Variants in DHH observed in about 807,000 individuals in gnomAD.
DHH encodes the protein desert hedgehog protein.
DHH carries 16 observed loss-of-function variants against 27.6 expected under a neutral mutation model. The ratio of observed to expected loss-of-function variants is 0.58; its 90% CI spans 0.39 to 0.88. The LOEUF (loss-of-function observed/expected upper bound fraction) is 0.88. DHH is among the 40% of genes least tolerant of loss of function. The pLI, the probability that DHH is intolerant of heterozygous loss-of-function variation, is 0.00. For missense variants in DHH, 436 were observed against 563.1 expected, an observed-to-expected ratio of 0.77 and a Z score of 2.28; for synonymous variants, 289 against 263.4, an observed-to-expected ratio of 1.10 and a Z score of -0.94.
At position 49,091,173 on chromosome 12, in the gene DHH, C is replaced by G; in HGVS notation, c.520G>C (p.Val174Leu). The G allele has an allele frequency of 6.2e-7, 1 of 1,614,236 alleles. No individual in the cohort carries two copies. The highest frequency in any genetic ancestry group is 8.5e-7 in the Non-Finnish European group (1 of 1,180,044). The change falls in exon 2 of 3, where the codon GTC (valine) becomes CTC (leucine). Residue 174 changes from valine to leucine, a missense_variant. Val to Leu is a conservative substitution (Grantham distance 32). Coordinates refer to ENST00000649637, the MANE Select transcript of DHH (RefSeq NM_021044.4). The surrounding 1 kb of genome is among the most constrained non-coding windows in gnomAD (Gnocchi z 4.8). ...RLAVEAGFDW[V>L]YYESRNHVHV... is the part of the protein sequence containing the mutation. ...ACGTGGTTGCGGGACTCGTAGTAGA[C>G]CCAGTCGAAGCCGGCTTCCACTGCG...
At position 49,094,311 on chromosome 12, in the gene DHH, C is replaced by G. The variant is rs1157121185; in HGVS notation, c.202G>C (p.Ala68Pro). Residue 68 changes from alanine to proline, a missense_variant, in exon 1 of 3, where the codon GCA (alanine) becomes CCA (proline). Physicochemically the swap from Ala to Pro is conservative, Grantham distance 27. Coordinates refer to ENST00000649637, the MANE Select transcript of DHH (RefSeq NM_021044.4). The part of the protein sequence containing the change: ...GASGPAEGRV[A>P]RGSERFRDLV... The stretch of plus-strand genomic sequence containing the variant: ...TCCCGGAAGCGCTCGGAGCCCCTTG[C>G]CACCCTCCCCTCCGCTGGCCCACTG... 6.2e-7 allele frequency: 1 copy of G among 1,613,346 alleles called. No homozygotes were observed. Among genetic ancestry groups the G allele is most frequent in the Admixed American group, 1.7e-5 (1 of 60,028 alleles).
rs952583477 is a variant in DHH at position 49,091,551 on chromosome 12, C to T, written c.304-162G>A. On this transcript the variant is annotated intron_variant, in intron 1 of 2. Transcript: ENST00000649637. The surrounding 1 kb of genome is among the most constrained non-coding windows in gnomAD (Gnocchi z 4.8). ...ATCTGAGTCGATGGTAGTCACCAAT[C>T]TGCACTCTGTTCCCAGGACGTCGTT... Among the ~76,000 whole-genome samples, 2 of 152,236 alleles carry T rather than the reference C, an allele frequency of 1.3e-5. No homozygotes were observed. The highest frequency in any genetic ancestry group is 2.9e-5 in the Non-Finnish European group (2 of 68,040).
At position 49,088,481 on chromosome 12, in the gene DHH, G is replaced by C. The variant is rs911551732; in HGVS notation, c.*1378C>G. 2.0e-5 allele frequency among the ~76,000 whole-genome samples: 3 copies of C among 152,182 alleles called. No homozygotes were observed. The highest frequency in any genetic ancestry group is 4.4e-5 in the Non-Finnish European group (3 of 68,036). On this transcript the variant is annotated 3_prime_UTR_variant, in exon 3 of 3. Transcript: ENST00000649637. Reference sequence around the variant, plus strand: ...CCCTGTGCGATGGGAGCGCACAGCGGCTACTGGCAAGGGCGAGCTCCGGGT... The same window carrying C: ...CCCTGTGCGATGGGAGCGCACAGCGCCTACTGGCAAGGGCGAGCTCCGGGT...
At position 49,089,745 on chromosome 12, in the gene DHH, TC is replaced by T; in HGVS notation, c.*113del. 7.4e-7 allele frequency: 1 copy of T among 1,347,646 alleles called. No individual in the cohort carries two copies. Among genetic ancestry groups the T allele is most frequent in the African/African-American group, 1.5e-5 (1 of 66,366 alleles). 83.5% of individuals were successfully genotyped at this position (1,347,646 alleles called of 1,614,324 possible). On this transcript the variant is annotated 3_prime_UTR_variant, in exon 3 of 3. Transcript: ENST00000649637. ...GCCAGGCATAGCCCCATTTTCTCCC[TC>T]CCCCTCCCTCTCCCTCCCTTCCAGT...
rs200685404 is a variant in DHH, at chr12:49,094,488, G to A, written c.25C>T (p.Pro9Ser). The change falls in exon 1 of 3, where the codon CCC becomes TCC. Residue 9 changes from proline (P) to serine (S), a missense_variant. Physicochemically the swap from Pro to Ser is moderately conservative, Grantham distance 74 (BLOSUM62 -1). Coordinates refer to ENST00000649637, the MANE Select transcript of DHH (RefSeq NM_021044.4). MALLTNLL[P>S]LCCLALLALP... ...GCCAGAAGTGCCAAGCAGCACAGGG[G>A]CAGTAGATTGGTCAGGAGAGCCATG... 14 of 1,564,392 alleles carry A rather than the reference G, an allele frequency of 8.9e-6. No homozygotes were observed. The highest frequency in any genetic ancestry group is 1.2e-5 in the Non-Finnish European group (14 of 1,154,928).
In DHH at chr12:49,090,431, GCA is replaced by G. The variant is rs776235575; in HGVS notation, c.617_618del (p.Val206AlafsTer210). On this transcript the variant is annotated frameshift_variant, in exon 3 of 3. Transcript: ENST00000649637. LOFTEE classifies it high-confidence loss of function. The surrounding 1 kb of genome is among the most constrained non-coding windows in gnomAD (Gnocchi z 5.2). ...AGGCFPGNAT[V>X]RLWSGERKGL... ...CCTTTCCGCTCGCCGCTCCACAGGC[GCA>G]CAGTTGCATTTCCCGGAAAGCAGCC... 1 of 1,608,538 alleles carries G rather than the reference GCA, an allele frequency of 6.2e-7. No homozygotes were observed. Among genetic ancestry groups the G allele is most frequent in the Non-Finnish European group, 8.5e-7 (1 of 1,179,442 alleles).
Position 49,088,350 on chromosome 12 carries a change from A to T in DHH, c.*1509T>A, listed in dbSNP as rs995130109. On this transcript the variant is annotated 3_prime_UTR_variant, in exon 3 of 3. Transcript: ENST00000649637. ...GGAGCGGGCTCCTTTGCGCAGGTCC[A>T]GTACACCCTTCCATGTCTGAGACCG... is the stretch of plus-strand genomic sequence containing the variant. 6.6e-6 allele frequency among the ~76,000 whole-genome samples: 1 copy of T among 152,206 alleles called. No homozygotes were observed. The highest frequency in any genetic ancestry group is 1.5e-5 in the Non-Finnish European group (1 of 68,028).
Position 49,090,370 on chromosome 12 carries a change from G to A in DHH, c.680C>T (p.Ala227Val), listed in dbSNP as rs756271489. ...CACCACCCGGCCTGACGCATCGGCCGCCAAAACCCAGTCTCCGCGGTGCAG... is the reference window on the plus strand; with the variant it reads ...CACCACCCGGCCTGACGCATCGGCCACCAAAACCCAGTCTCCGCGGTGCAG... ...RELHRGDWVL[A>V]ADASGRVVPT... Residue 227 changes from alanine to valine, a missense_variant, in exon 3 of 3, where the codon GCG becomes GTG. Ala to Val is a moderately conservative substitution (Grantham distance 64). Transcript: ENST00000649637. This position sits in a 1 kb window ranked among gnomAD's most constrained non-coding sequence, Gnocchi z 5.2. 8.8e-5 allele frequency: 142 copies of A among 1,608,598 alleles called. No homozygotes were observed. Among genetic ancestry groups the A allele is most frequent in the Non-Finnish European group, 1.2e-4 (136 of 1,178,204 alleles).
In DHH at chr12:49,094,425, C is replaced by T. The variant is rs1939363538; in HGVS notation, c.88G>A (p.Val30Ile). 6.2e-7 allele frequency: 1 copy of T among 1,605,966 alleles called. No individual in the cohort carries two copies. The highest frequency in any genetic ancestry group is 8.5e-7 in the Non-Finnish European group (1 of 1,176,632). ...AQSCGPGRGPVGRRRYARKQL... is the reference protein window; with the variant it reads ...AQSCGPGRGPIGRRRYARKQL... ...TTGCGCGCATAGCGGCGCCGGCCAACCGGCCCCCGGCCCGGCCCGCAGCTC... is the reference window on the plus strand; with the variant it reads ...TTGCGCGCATAGCGGCGCCGGCCAATCGGCCCCCGGCCCGGCCCGCAGCTC... Residue 30 changes from valine (V) to isoleucine (I), a missense_variant, in exon 1 of 3, where the codon GTT (valine) becomes ATT (isoleucine). Val to Ile is a conservative substitution (Grantham distance 29, BLOSUM62 3). Transcript: ENST00000649637.
In DHH at chr12:49,089,463, C is replaced by T. The variant is rs1766590225; in HGVS notation, c.*396G>A. 5.9e-6 allele frequency: 1 copy of T among 168,374 alleles called. No homozygotes were observed. The allele number at this position is 168,374 out of a possible 1,614,324, so 10.4% of individuals were successfully genotyped here. A position where few individuals can be genotyped will look rare whatever the true frequency, so the allele number is the denominator to read the frequency against. On this transcript the variant is annotated 3_prime_UTR_variant, in exon 3 of 3. Coordinates refer to ENST00000649637, the MANE Select transcript of DHH (RefSeq NM_021044.4). ...GAAAGCCTTCCCTTTATTAGCCCAC[C>T]TTGCAGGAAAACGTCAGATGTCAGA...
In DHH at chr12:49,088,478, G is replaced by T. The variant is rs531013692; in HGVS notation, c.*1381C>A. Among the ~76,000 whole-genome samples the T allele has an allele frequency of 6.6e-6, 1 of 152,200 alleles. No individual in the cohort carries two copies. The highest frequency in any genetic ancestry group is 2.1e-4 in the South Asian group (1 of 4,836). On this transcript the variant is annotated 3_prime_UTR_variant, in exon 3 of 3. Transcript: ENST00000649637. ...GGACCCTGTGCGATGGGAGCGCACA[G>T]CGGCTACTGGCAAGGGCGAGCTCCG...
rs1939302971 is a variant in DHH at position 49,091,473 on chromosome 12, T to G, written c.304-84A>C. On this transcript the variant is annotated intron_variant, in intron 1 of 2. Coordinates refer to ENST00000649637, the MANE Select transcript of DHH (RefSeq NM_021044.4). The surrounding 1 kb of genome is among the most constrained non-coding windows in gnomAD (Gnocchi z 4.8). ...GGATAGGAGGGTTGATTCTTTGTTA[T>G]TCCGGCCCTACTCTTACCCCTCCCA... 2.6e-6 allele frequency: 4 copies of G among 1,563,678 alleles called. No individual in the cohort carries two copies. The highest frequency in any genetic ancestry group is 3.5e-6 in the Non-Finnish European group (4 of 1,156,686).
rs188285139 is a variant in DHH at position 49,088,144 on chromosome 12, A to G, written c.*1715T>C. Among the ~76,000 whole-genome samples the G allele has an allele frequency of 2.0e-5, 3 of 152,274 alleles. No homozygotes were observed. The highest frequency in any genetic ancestry group is 2.0e-4 in the Admixed American group (3 of 15,298). ...AGGAAGTCTGGGCTACTACAGGTAT[A>G]CTAGTAGGGCATCTGCAGCTTCCAG... On this transcript the variant is annotated 3_prime_UTR_variant, in exon 3 of 3. Transcript: ENST00000649637.
intron 1 of DHH, among the ~76,000 whole-genome samples, chr12:49,093,935 G>A (rs1592187334): frequency 1.3e-5 from 2 of 152,120 alleles, no homozygotes; most frequent in South Asian, 2.1e-4. Flanking sequence ...CTCGCCTGCC[G>A]CCATCCTCCT....
Position 49,090,166 on chromosome 12 carries a change from C to G in DHH, c.884G>C (p.Arg295Pro). The G allele has an allele frequency of 6.5e-7, 1 of 1,544,738 alleles. No homozygotes were observed. The highest frequency in any genetic ancestry group is 8.7e-7 in the Non-Finnish European group (1 of 1,143,824). ...GGGCGCCAGCACCGAGTCCCCAGCG[C>G]GTAGCCGGCGCGCGAACACCGGTGC... Reference protein sequence around the residue: ...DFAPVFARRLRAGDSVLAPGG... With the variant: ...DFAPVFARRLPAGDSVLAPGG... Residue 295 changes from arginine to proline, a missense_variant, in exon 3 of 3, where the codon CGC becomes CCC. Physicochemically the swap from Arg to Pro is moderately radical, Grantham distance 103. Coordinates refer to ENST00000649637, the MANE Select transcript of DHH (RefSeq NM_021044.4). The surrounding 1 kb of genome is among the most constrained non-coding windows in gnomAD (Gnocchi z 5.2).
At position 49,090,095 on chromosome 12, in the gene DHH, C is replaced by G. The variant is rs1190109859; in HGVS notation, c.955G>C (p.Glu319Gln). Residue 319 changes from glutamate to glutamine, a missense_variant, in exon 3 of 3, where the codon GAG becomes CAG. Physicochemically the swap from Glu to Gln is conservative, Grantham distance 29 (BLOSUM62 2). Transcript: ENST00000649637. This position sits in a 1 kb window ranked among gnomAD's most constrained non-coding sequence, Gnocchi z 5.2. ...GGCGCGAACACGCCCACGGCTTCCT[C>G]CCGCGCCACACGGGCCACGCGCGCT... ...RPARVARVAREEAVGVFAPLT... is the reference protein window; with the variant it reads ...RPARVARVARQEAVGVFAPLT... 3 of 1,529,876 alleles carry G rather than the reference C, an allele frequency of 2.0e-6. No individual in the cohort carries two copies. The highest frequency in any genetic ancestry group is 1.2e-5 in the South Asian group (1 of 81,600). The allele number at this position is 1,529,876 out of a possible 1,614,324, so 94.8% of individuals were successfully genotyped here. A position where few individuals can be genotyped will look rare whatever the true frequency, so the allele number is the denominator to read the frequency against.
intron 1 of DHH, 71 bp downstream of exon 1, chr12:49,094,139 C>G: frequency 6.4e-7 from 1 of 1,560,196 alleles, no homozygotes; most frequent in Non-Finnish European, 8.8e-7. Context: ...TGGACTCACC[C>G]ACCTGGGCTG....
Position 49,094,230 on chromosome 12 carries a change from C to T in DHH, c.283G>A (p.Ala95Thr). The change falls in exon 1 of 3, where the codon GCC (alanine) becomes ACC (threonine). Residue 95 changes from alanine (A) to threonine (T), a missense_variant. By Grantham distance (58) the Ala-to-Thr change is moderately conservative (BLOSUM62 0). Coordinates refer to ENST00000649637, the MANE Select transcript of DHH (RefSeq NM_021044.4). ...CTTACCTCGGTCATCAGGCGGTCGGCTCCACTGTTCTCCTCATCCTTGAAG... is the reference window on the plus strand; with the variant it reads ...CTTACCTCGGTCATCAGGCGGTCGGTTCCACTGTTCTCCTCATCCTTGAAG... ...IIFKDEENSG[A>T]DRLMTERCKE... 1 of 1,613,566 alleles carries T rather than the reference C, an allele frequency of 6.2e-7. No individual in the cohort carries two copies.
chr12:49,092,854 A>G (rs1939330049), intron 1 of DHH: 1 of 152,268 alleles, frequency 6.6e-6, no homozygotes. Context: ...AAAGGGCCAC[A>G]ATGTTCCACG....
Sources: allele counts gnomAD v4.1 joint callset (sites outside exome capture counted in the v4.1 genomes callset), GRCh38; gene constraint gnomAD v4.1.1; non-coding constraint Gnocchi (gnomAD v3.1); transcripts MANE v1.5; gene names NCBI Gene and HGNC (gene_info 2026-07-23, HGNC 2026-07-21).